TRDMT1: variants seen among roughly 807,000 people sequenced by gnomAD.
TRDMT1 encodes tRNA aspartic acid methyltransferase 1, also known as tRNA (cytosine(38)-C(5))-methyltransferase.
TRDMT1 carries 49 observed loss-of-function variants against 51.2 expected under a neutral mutation model. The observed-to-expected ratio is 0.96, with a 90% confidence interval of 0.76 to 1.21. The LOEUF is 1.21. Ranked by LOEUF, TRDMT1 falls within the 50% of genes most tolerant of loss-of-function variation. TRDMT1 has a pLI of 0.00. For missense variants in TRDMT1, 534 were observed against 462.3 expected, an observed-to-expected ratio of 1.16 and a Z score of -1.42; for synonymous variants, 187 against 164.6, an observed-to-expected ratio of 1.14 and a Z score of -1.04.
At chr10:17,198,960 G>C (rs1028091996) in intron 1 of TRDMT1, among the ~76,000 whole-genome samples, 4 of 152,124 alleles carry the variant, frequency 2.6e-5, no homozygotes, top group African/African-American at 7.2e-5. Context: ...CGGCAACATA[G>C]CATAGTTAAA....
intron 1 of TRDMT1, among the ~76,000 whole-genome samples, chr10:17,193,641 T>C (rs1309900082): frequency 2.0e-5 from 3 of 152,110 alleles, no homozygotes; most frequent in Non-Finnish European, 2.9e-5. Flanking sequence ...GACAAAATAC[T>C]GCTAAGAGAC....
In TRDMT1 at chr10:17,139,164, C is replaced by T. The variant is rs114563253; in HGVS notation, c.*9876G>A. The T allele has an allele frequency of 7.5e-3, 7,390 of 985,122 alleles. 379 individuals carry two copies. In the African/African-American group the frequency reaches 0.12, roughly 15 times the overall value. 61.0% of individuals were successfully genotyped at this position (985,122 alleles called of 1,614,324 possible). On this transcript the variant is annotated 3_prime_UTR_variant, in exon 11 of 11. Transcript: ENST00000377799. ...TGTGAAGCAATGAAGCGGAGTTTACCATAGGTGAACCCTCCTGCCATCCTG... is the reference window on the plus strand; with the variant it reads ...TGTGAAGCAATGAAGCGGAGTTTACTATAGGTGAACCCTCCTGCCATCCTG...
At chr10:17,199,688 G>A (rs1419774086) in intron 1 of TRDMT1, among the ~76,000 whole-genome samples, 1 of 152,162 alleles carries the variant, frequency 6.6e-6, no homozygotes, top group Non-Finnish European at 1.5e-5. Context: ...AAGCAACGAA[G>A]TAACATGATC....
intron 3 of TRDMT1, among the ~76,000 whole-genome samples, chr10:17,164,055 G>C (rs1368126215): frequency 6.6e-6 from 1 of 152,044 alleles, no homozygotes; most frequent in African/African-American, 2.4e-5. Context: ...GCCTGGCAGA[G>C]ACACAACAAA....
chr10:17,177,039 G>A (rs952169629), intron 1 of TRDMT1, among the ~76,000 whole-genome samples: 4 of 151,618 alleles, frequency 2.6e-5, no homozygotes, highest in Non-Finnish European at 5.9e-5. Flanking sequence ...GGAAGAGGAT[G>A]TGTTTTCAGT....
At chr10:17,200,947 A>G (rs967250655) in intron 1 of TRDMT1, among the ~76,000 whole-genome samples, 4 of 152,214 alleles carry the variant, frequency 2.6e-5, no homozygotes, top group Non-Finnish European at 5.9e-5. Context: ...ATCACTGTTC[A>G]CGAAGTAGCC....
chr10:17,180,259 T>C (rs1843116304), intron 1 of TRDMT1, among the ~76,000 whole-genome samples: 1 of 152,190 alleles, frequency 6.6e-6, no homozygotes, highest in African/African-American at 2.4e-5. Context: ...TTTCTCTTTC[T>C]GCCGGGTGTG....
chr10:17,144,558 A>G lies in TRDMT1; in HGVS notation c.*4482T>C. The G allele has an allele frequency of 1.0e-6, 1 of 985,752 alleles. No homozygotes were observed. Among genetic ancestry groups the G allele is most frequent in the Non-Finnish European group, 1.2e-6 (1 of 829,930 alleles). 61.1% of individuals were successfully genotyped at this position (985,752 alleles called of 1,614,324 possible). A position where few individuals can be genotyped will look rare whatever the true frequency, so the allele number is the denominator to read the frequency against. On this transcript the variant is annotated 3_prime_UTR_variant, in exon 11 of 11. Transcript: ENST00000377799. ...GGATGTGGCTGAAAGTAAGACTCAG[A>G]ATCTATGGTAAATATAAAGCCAATG...
chr10:17,140,528 G>T lies in TRDMT1; in HGVS notation c.*8512C>A, dbSNP rs1837586838. Reference sequence around the variant, plus strand: ...AGAAAGGTACTGAGGATACACAAATGGGCAAGATGTAGCTTCTGCTCTGGA... The same window carrying T: ...AGAAAGGTACTGAGGATACACAAATTGGCAAGATGTAGCTTCTGCTCTGGA... On this transcript the variant is annotated 3_prime_UTR_variant, in exon 11 of 11. Transcript: ENST00000377799. Among the ~76,000 whole-genome samples, 1 of 152,130 alleles carries T rather than the reference G, an allele frequency of 6.6e-6. No homozygotes were observed. The highest frequency in any genetic ancestry group is 1.5e-5 in the Non-Finnish European group (1 of 68,032).
At position 17,143,663 on chromosome 10, in the gene TRDMT1, T is replaced by C; in HGVS notation, c.*5377A>G. The C allele has an allele frequency of 5.1e-6, 5 of 985,462 alleles. No individual in the cohort carries two copies. Among genetic ancestry groups the C allele is most frequent in the Non-Finnish European group, 6.0e-6 (5 of 829,948 alleles). 61.0% of individuals were successfully genotyped at this position (985,462 alleles called of 1,614,324 possible). ...ACAAATATGATTGCAAATATATGTGTGGGTGTTTTTAAATCTCAGTGACTT... is the reference window on the plus strand; with the variant it reads ...ACAAATATGATTGCAAATATATGTGCGGGTGTTTTTAAATCTCAGTGACTT... On this transcript the variant is annotated 3_prime_UTR_variant, in exon 11 of 11. Transcript: ENST00000377799.
At chr10:17,154,939 G>A (rs755215758) in intron 8 of TRDMT1, among the ~76,000 whole-genome samples, 13 of 152,256 alleles carry the variant, frequency 8.5e-5, no homozygotes, top group Non-Finnish European at 1.6e-4. Flanking sequence ...TCATCAATGG[G>A]CCGGGCACAG....
At chr10:17,162,600 C>T (rs535901545) in intron 3 of TRDMT1, among the ~76,000 whole-genome samples, 2 of 151,984 alleles carry the variant, frequency 1.3e-5, no homozygotes, top group South Asian at 2.1e-4. Context: ...CCCAGCACTT[C>T]GGAAGGCTGA....
At chr10:17,149,727 C>A (rs996247783) in intron 10 of TRDMT1, among the ~76,000 whole-genome samples, 4 of 152,068 alleles carry the variant, frequency 2.6e-5, no homozygotes, top group Non-Finnish European at 5.9e-5. Context: ...ATAAATGGAG[C>A]CATAAAATAT....
At chr10:17,184,661 TAA>T (rs574764497) in intron 1 of TRDMT1, among the ~76,000 whole-genome samples, 69 of 152,254 alleles carry the variant, frequency 4.5e-4, no homozygotes, top group African/African-American at 1.6e-3. Flanking sequence ...AAAGGAGAGT[TAA>T]GTTTTACAAT....
intron 2 of TRDMT1, 100 bp from the exon 3 acceptor site, chr10:17,169,017 AAC>A: frequency 1.3e-6 from 1 of 784,078 alleles, no homozygotes; most frequent in Non-Finnish European, 2.0e-6. Flanking sequence ...CAGAAACTGA[AAC>A]AGTTTATAAT....
Position 17,142,010 on chromosome 10 carries a change from A to G in TRDMT1, c.*7030T>C, listed in dbSNP as rs1242704122. Among the ~76,000 whole-genome samples the G allele has an allele frequency of 6.6e-6, 1 of 152,004 alleles. No individual in the cohort carries two copies. The highest frequency in any genetic ancestry group is 1.5e-5 in the Non-Finnish European group (1 of 68,024). On this transcript the variant is annotated 3_prime_UTR_variant, in exon 11 of 11. Coordinates refer to ENST00000377799, the MANE Select transcript of TRDMT1 (RefSeq NM_004412.7). ...ATTGGCATATAGTGCACCTACCATA[A>G]TGGTTCTTTTGTTAACTTCTATTTC...
chr10:17,178,637 T>C (rs1260901588), intron 1 of TRDMT1, among the ~76,000 whole-genome samples: 3 of 145,870 alleles, frequency 2.1e-5, no homozygotes, highest in South Asian at 2.1e-4. Flanking sequence ...GATTGCACCA[T>C]TGCACTCCAG....
Position 17,139,270 on chromosome 10 carries a change from A to T in TRDMT1, c.*9770T>A, listed in dbSNP as rs1257819769. ...TTCCCCAAACAAGGCGGTGAAGTTAAATATTTAGACACCATTCATACGATA... is the reference window on the plus strand; with the variant it reads ...TTCCCCAAACAAGGCGGTGAAGTTATATATTTAGACACCATTCATACGATA... On this transcript the variant is annotated 3_prime_UTR_variant, in exon 11 of 11. Transcript: ENST00000377799. The T allele has an allele frequency of 1.1e-6, 1 of 923,592 alleles. No individual in the cohort carries two copies. Among genetic ancestry groups the T allele is most frequent in the African/African-American group, 1.8e-5 (1 of 56,026 alleles). The allele number at this position is 923,592 out of a possible 1,614,324, so 57.2% of individuals were successfully genotyped here.
At chr10:17,161,685 G>A (rs1434901488) in intron 4 of TRDMT1, 137 bp from the exon 5 acceptor site, 1 of 500,784 alleles carries the variant, frequency 2.0e-6, no homozygotes, top group Non-Finnish European at 3.3e-6. Context: ...TAAGGCTGGA[G>A]ACAACATATA....
Sources: gnomAD v4.1 joint callset for allele counts (sites outside exome capture counted in the v4.1 genomes callset) on GRCh38, gnomAD v4.1.1 for gene constraint, MANE v1.5 for transcripts, NCBI Gene and HGNC (gene_info 2026-07-23, HGNC 2026-07-21) for gene names.